ACSBG1: variants seen among roughly 807,000 people sequenced by gnomAD.
ACSBG1 encodes the protein long-chain-fatty-acid--CoA ligase ACSBG1.
In ACSBG1, 39 loss-of-function variants were observed where a neutral mutation model predicts 80.2. That is an observed-to-expected ratio of 0.49 (90% CI 0.38 to 0.64). The LOEUF is 0.64. Ranked by LOEUF, ACSBG1 falls within the 30% of genes least tolerant of loss-of-function variation. ACSBG1 has a pLI of 0.00. For synonymous variants in ACSBG1, 392 were observed against 379.5 expected, an observed-to-expected ratio of 1.03 and a Z score of -0.38; for missense variants, 828 against 966.4, an observed-to-expected ratio of 0.86 and a Z score of 1.90.
intron 1 of ACSBG1, among the ~76,000 whole-genome samples, chr15:78,223,015 T>C (rs1305474608): frequency 2.0e-5 from 3 of 152,194 alleles, no homozygotes; most frequent in Non-Finnish European, 4.4e-5. Context: ...AATTTCCCTC[T>C]CTCAGAATCT....
At chr15:78,206,689 C>A (rs945405378) in intron 2 of ACSBG1, among the ~76,000 whole-genome samples, 2 of 152,192 alleles carry the variant, frequency 1.3e-5, no homozygotes, top group South Asian at 2.1e-4. Context: ...TCTGAAGGGA[C>A]CCTCTCTGGG....
At chr15:78,208,246 C>CTGGGTTCTCCTCTGT in intron 1 of ACSBG1, 144 bp from the exon 2 acceptor site, 1 of 673,636 alleles carries the variant, frequency 1.5e-6, no homozygotes, top group Non-Finnish European at 2.7e-6. Context: ...GGGCCATCCA[C>CTGGGTTCTCCTCTGT]AGAGGAGAAC....
At chr15:78,192,782 G>A (rs564300434) in intron 5 of ACSBG1, among the ~76,000 whole-genome samples, 1 of 152,252 alleles carries the variant, frequency 6.6e-6, no homozygotes, top group Non-Finnish European at 1.5e-5. Context: ...GGAAGGTGTG[G>A]CCCAGGTGAC....
chr15:78,210,087 G>A (rs756361203), intron 1 of ACSBG1, among the ~76,000 whole-genome samples: 1 of 152,228 alleles, frequency 6.6e-6, no homozygotes, highest in Non-Finnish European at 1.5e-5. Flanking sequence ...GCTGTTGGCA[G>A]CACCTTCTTG....
chr15:78,205,843 C>A (rs911704150), intron 2 of ACSBG1, among the ~76,000 whole-genome samples: 1 of 152,146 alleles, frequency 6.6e-6, no homozygotes, highest in Non-Finnish European at 1.5e-5. Flanking sequence ...CTTCAAGACC[C>A]CTCCCAATCT....
At chr15:78,189,699 CT>C in intron 5 of ACSBG1, among the ~76,000 whole-genome samples, 1 of 151,898 alleles carries the variant, frequency 6.6e-6, no homozygotes, top group African/African-American at 2.4e-5. Flanking sequence ...GGAGGGATAG[CT>C]TTAGGAGATA....
chr15:78,171,856 T>C (rs1380208565), intron 13 of ACSBG1: 1 of 174,706 alleles, frequency 5.7e-6, no homozygotes, highest in African/African-American at 2.4e-5. Context: ...CCTTGACCTG[T>C]ACCCAGTTTT....
intron 2 of ACSBG1, 53 bp from the exon 3 acceptor site, chr15:78,194,779 TC>T: frequency 6.4e-7 from 1 of 1,572,846 alleles, no homozygotes; most frequent in Admixed American, 1.7e-5. Flanking sequence ...GGGACACTTG[TC>T]CTGCCCTGGG....
intron 5 of ACSBG1, among the ~76,000 whole-genome samples, chr15:78,183,231 T>G (rs2074967063): frequency 6.6e-6 from 1 of 152,220 alleles, no homozygotes; most frequent in African/African-American, 2.4e-5. Flanking sequence ...TATATTTGTG[T>G]AAGAAAGGGG....
intron 5 of ACSBG1, among the ~76,000 whole-genome samples, chr15:78,187,351 GC>G (rs2075014358): frequency 6.6e-6 from 1 of 152,078 alleles, no homozygotes; most frequent in Non-Finnish European, 1.5e-5. Flanking sequence ...TGATACCAAA[GC>G]CTGGCAGAGA....
chr15:78,195,951 A>C (rs1221995436), intron 2 of ACSBG1, among the ~76,000 whole-genome samples: 1 of 152,202 alleles, frequency 6.6e-6, no homozygotes, highest in Non-Finnish European at 1.5e-5. Context: ...ATGCAGACTC[A>C]GGTTGGCAGA....
chr15:78,182,766 T>A lies in ACSBG1; in HGVS notation c.683A>T (p.His228Leu), dbSNP rs146047218. Reference protein sequence around the residue: ...KILKIWKQLPHLKAVVIYKEP... With the variant: ...KILKIWKQLPLLKAVVIYKEP... ...TTTATATATCACGACTGCCTTTAGA[T>A]GTGGCAACTGTTTCCAGATCTGCAT... Residue 228 changes from histidine (H) to leucine (L), a missense_variant, in exon 6 of 14, where the codon CAT becomes CTT. By Grantham distance (99) the His-to-Leu change is moderately conservative (BLOSUM62 -3). Around this residue, in one of 3 missense-constraint regions of ACSBG1, gnomAD observed 356 missense variants for 363.5 expected, o/e 0.98. Coordinates refer to ENST00000258873, the MANE Select transcript of ACSBG1 (RefSeq NM_015162.5). 1,351 of 1,614,224 alleles carry A rather than the reference T, an allele frequency of 8.4e-4. 2 individuals are homozygous for A. Among genetic ancestry groups the A allele is most frequent in the Admixed American group, 1.1e-3 (64 of 60,030 alleles).
intron 3 of ACSBG1, 74 bp downstream of exon 3, chr15:78,194,432 G>A: frequency 2.1e-6 from 3 of 1,419,774 alleles, no homozygotes; most frequent in Non-Finnish European, 2.9e-6. Context: ...CAGTTGGAGA[G>A]GAGGCCTGTG....
intron 1 of ACSBG1, among the ~76,000 whole-genome samples, chr15:78,215,775 A>AAAGG (rs2075306761): frequency 6.8e-6 from 1 of 146,978 alleles, no homozygotes; most frequent in African/African-American, 2.5e-5. Context: ...AGAAAGAAAG[A>AAAGG]AAGAAAGAAA....
At chr15:78,179,903 C>G (rs2074924850) in intron 9 of ACSBG1, 123 bp from the exon 10 acceptor site, 2 of 804,692 alleles carry the variant, frequency 2.5e-6, no homozygotes, top group Non-Finnish European at 2.0e-6. Flanking sequence ...CTCGGCCATT[C>G]CAGTTGTCTG....
At chr15:78,204,346 A>G (rs2075195008) in intron 2 of ACSBG1, among the ~76,000 whole-genome samples, 1 of 152,226 alleles carries the variant, frequency 6.6e-6, no homozygotes, top group East Asian at 1.9e-4. Context: ...AAAGGTGAGC[A>G]TGCTCAGGAG....
chr15:78,212,416 T>C (rs2075274142), intron 1 of ACSBG1: 1 of 378,306 alleles, frequency 2.6e-6, no homozygotes, highest in Admixed American at 3.1e-5. Context: ...CTTGGCAAGA[T>C]TGAGAGGGTG....
chr15:78,227,218 C>CAAAA (rs56011241), intron 1 of ACSBG1, among the ~76,000 whole-genome samples: 2 of 53,776 alleles, frequency 3.7e-5, no homozygotes, highest in Non-Finnish European at 6.8e-5. Flanking sequence ...GACCCTGTCT[C>CAAAA]AAAAAAAAAA....
In ACSBG1 at chr15:78,174,394, G is replaced by A. The variant is rs746256255; in HGVS notation, c.1833C>T (p.Leu611=). 18 of 1,614,056 alleles carry A rather than the reference G, an allele frequency of 1.1e-5. No homozygotes were observed. Among genetic ancestry groups the A allele is most frequent in the South Asian group, 4.4e-5 (4 of 91,084 alleles). The change falls in exon 12 of 14, where the codon CTC becomes CTT. Residue 611 remains leucine, a synonymous_variant. Coordinates refer to ENST00000258873, the MANE Select transcript of ACSBG1 (RefSeq NM_015162.5). ...GDQRKFLSML[L]TLKCTLDPDT... ...AGCCCCCCAGACACACCTTCAAGGT[G>A]AGCAGCATGGACAGGAACTTCCTCT...
Sources: gnomAD v4.1 joint callset for allele counts (sites outside exome capture counted in the v4.1 genomes callset) on GRCh38, gnomAD v4.1.1 for gene constraint, gnomAD v4.1.1 regional missense constraint, MANE v1.5 for transcripts, NCBI Gene and HGNC (gene_info 2026-07-23, HGNC 2026-07-21) for gene names.